ADAMTSL1: variants seen among roughly 807,000 people sequenced by gnomAD.
ADAMTSL1 encodes ADAMTS like 1, also known as ADAMTS-like protein 1.
Under a neutral mutation model 201.8 loss-of-function variants are expected in ADAMTSL1, and 126 were observed. The observed-to-expected ratio is 0.62, with a 90% confidence interval of 0.54 to 0.72. The LOEUF (loss-of-function observed/expected upper bound fraction) is 0.72, where lower values mean the gene tolerates loss of function less well. ADAMTSL1 is among the 30% of genes least tolerant of loss of function. The pLI, the probability that ADAMTSL1 is intolerant of heterozygous loss-of-function variation, is 0.00. For missense variants in ADAMTSL1, 2,679 were observed against 2,277.8 expected (o/e 1.18, Z -3.59); for synonymous variants, 1,121 against 903.4 (o/e 1.24, Z -4.32).
intron 2 of ADAMTSL1, among the ~76,000 whole-genome samples, chr9:18,397,262 C>A (rs1817790904): frequency 6.6e-6 from 1 of 152,046 alleles, no homozygotes; most frequent in African/African-American, 2.4e-5. Context: ...CTTCCTTTCC[C>A]ATATGATATT....
In ADAMTSL1 at chr9:18,308,378, C is replaced by T. The variant is rs1833988873; in HGVS notation, c.207+144397C>T. ...TTGAAGGAGATAGAGACACGAAAAA[C>T]CCTTCAAAAAATCAATGAATCCAGG... On this transcript the variant is annotated intron_variant, in intron 2 of 29. Coordinates refer to the ADAMTSL1 transcript ENST00000680146. Among the ~76,000 whole-genome samples the T allele has an allele frequency of 2.0e-5, 3 of 151,990 alleles. No individual in the cohort carries two copies. In the South Asian group the frequency reaches 6.3e-4, roughly 32 times the overall value.
chr9:18,289,194 G>C (rs1481104192), intron 2 of ADAMTSL1, among the ~76,000 whole-genome samples: 3 of 140,334 alleles, frequency 2.1e-5, no homozygotes, highest in Non-Finnish European at 4.7e-5. Context: ...TCTATCTATA[G>C]AGAGATATGG....
intron 1 of ADAMTSL1, among the ~76,000 whole-genome samples, chr9:17,990,493 G>A (rs2026765): frequency 5.0e-4 from 76 of 151,962 alleles, no homozygotes; most frequent in South Asian, 8.3e-4. Context: ...GGAATCTTTA[G>A]GTCTGAGATT....
intron 1 of ADAMTSL1, among the ~76,000 whole-genome samples, chr9:18,004,620 T>C (rs111275090): frequency 6.6e-6 from 1 of 152,208 alleles, no homozygotes; most frequent in African/African-American, 2.4e-5. Flanking sequence ...TTTACTAACC[T>C]GAGACCTGGG....
At chr9:18,855,822 G>T (rs1826805555) in intron 23 of ADAMTSL1, among the ~76,000 whole-genome samples, 2 of 152,144 alleles carry the variant, frequency 1.3e-5, no homozygotes, top group Admixed American at 6.5e-5. Context: ...ACCTGGCAGG[G>T]ACCATTGTGT....
At chr9:18,393,454 C>T (rs1227687565) in intron 2 of ADAMTSL1, among the ~76,000 whole-genome samples, 1 of 152,126 alleles carries the variant, frequency 6.6e-6, no homozygotes, top group East Asian at 1.9e-4. Flanking sequence ...ACTGGGAAAC[C>T]CCTCAGTTCT....
At chr9:18,349,365 T>G (rs537463827) in intron 2 of ADAMTSL1, among the ~76,000 whole-genome samples, 1 of 152,284 alleles carries the variant, frequency 6.6e-6, no homozygotes, top group Admixed American at 6.5e-5. Flanking sequence ...TAGGTAGCTG[T>G]GTAGCTCTTA....
intron 1 of ADAMTSL1, among the ~76,000 whole-genome samples, chr9:17,918,444 G>A (rs1051871039): frequency 5.3e-5 from 8 of 151,322 alleles, no homozygotes; most frequent in Non-Finnish European, 8.9e-5. Flanking sequence ...GGATTATCTG[G>A]GTATCTTTGT....
At chr9:18,171,466 A>T (rs1371050957) in intron 2 of ADAMTSL1, among the ~76,000 whole-genome samples, 1 of 152,122 alleles carries the variant, frequency 6.6e-6, no homozygotes, top group African/African-American at 2.4e-5. Flanking sequence ...ATGCTTTAAC[A>T]TTCCATAAAC....
chr9:18,898,336 G>T (rs1829787601), intron 26 of ADAMTSL1, among the ~76,000 whole-genome samples: 1 of 152,204 alleles, frequency 6.6e-6, no homozygotes, highest in Admixed American at 6.5e-5. Flanking sequence ...TGACCTGATG[G>T]AGCTGGAAAA....
At chr9:18,306,670 G>A (rs144231604) in intron 2 of ADAMTSL1, among the ~76,000 whole-genome samples, 3,033 of 152,174 alleles carry the variant, frequency 0.02, 58 homozygotes, top group African/African-American at 0.055. Flanking sequence ...AACAAACAAA[G>A]CCTCCAAGAA....
At chr9:18,176,609 AC>A (rs1192147225) in intron 2 of ADAMTSL1, among the ~76,000 whole-genome samples, 1 of 152,174 alleles carries the variant, frequency 6.6e-6, no homozygotes, top group Non-Finnish European at 1.5e-5. Context: ...AAGATCTGTT[AC>A]TTAAGTTGTT....
At chr9:18,396,621 T>G (rs921178984) in intron 2 of ADAMTSL1, among the ~76,000 whole-genome samples, 1 of 150,318 alleles carries the variant, frequency 6.7e-6, no homozygotes, top group African/African-American at 2.4e-5. Flanking sequence ...AATATTATTT[T>G]TATGTTAATA....
intron 2 of ADAMTSL1, among the ~76,000 whole-genome samples, chr9:18,191,999 A>G (rs930403691): frequency 2.0e-5 from 3 of 152,162 alleles, no homozygotes; most frequent in African/African-American, 7.2e-5. Context: ...GTAATGAAAT[A>G]CACTGGGTAT....
chr9:18,197,611 C>A (rs1015611182), intron 2 of ADAMTSL1, among the ~76,000 whole-genome samples: 35 of 148,386 alleles, frequency 2.4e-4, no homozygotes, highest in Non-Finnish European at 4.0e-4. Context: ...GATATACAAT[C>A]ATGTCGTCTG....
At chr9:18,178,489 A>G (rs918833469) in intron 2 of ADAMTSL1, among the ~76,000 whole-genome samples, 31 of 152,228 alleles carry the variant, frequency 2.0e-4, no homozygotes, top group African/African-American at 7.0e-4. Flanking sequence ...TAGGTGAACA[A>G]AGCAGCCGGG....
chr9:18,640,534 T>C (rs1827374307), intron 7 of ADAMTSL1, among the ~76,000 whole-genome samples: 1 of 152,104 alleles, frequency 6.6e-6, no homozygotes, highest in South Asian at 2.1e-4. Context: ...CTCACAGCAT[T>C]GTCAAATGTG....
intron 1 of ADAMTSL1, among the ~76,000 whole-genome samples, chr9:18,068,404 T>C (rs565041131): frequency 6.6e-6 from 1 of 152,288 alleles, no homozygotes; most frequent in South Asian, 2.1e-4. Flanking sequence ...TTATAAGTAA[T>C]CTACAGATCA....
At chr9:18,100,556 G>C (rs537688701) in intron 1 of ADAMTSL1, among the ~76,000 whole-genome samples, 3 of 152,296 alleles carry the variant, frequency 2.0e-5, no homozygotes, top group South Asian at 4.1e-4. Context: ...GTTCATAGAA[G>C]CTTGATTTCT....
Sources: gnomAD v4.1 joint callset for allele counts (sites outside exome capture counted in the v4.1 genomes callset) on GRCh38, gnomAD v4.1.1 for gene constraint, MANE v1.5 for transcripts, NCBI Gene and HGNC (gene_info 2026-07-23, HGNC 2026-07-21) for gene names.